The following SAMD4B variants were observed in gnomAD, a reference collection of about 807,000 sequenced individuals.
The protein encoded by SAMD4B is sterile alpha motif domain containing 4B, also known as protein Smaug homolog 2.
In SAMD4B, 5 loss-of-function variants were observed where a neutral mutation model predicts 74.5. The ratio of observed to expected loss-of-function variants is 0.07; its 90% confidence interval spans 0.04 to 0.14. The LOEUF (loss-of-function observed/expected upper bound fraction) is 0.14, where lower values mean the gene tolerates loss of function less well. SAMD4B is among the 10% of genes least tolerant of loss of function. SAMD4B has a pLI of 1.00. For missense variants in SAMD4B, 608 were observed against 921.8 expected, an observed-to-expected ratio of 0.66 and a Z score of 4.41; for synonymous variants, 373 against 374.9, an observed-to-expected ratio of 1.00 and a Z score of 0.06.
At chr19:39,376,630 G>A in intron 6 of SAMD4B, 75 bp from the exon 7 acceptor site, 1 of 1,581,736 alleles carries the variant, frequency 6.3e-7, no homozygotes, top group Non-Finnish European at 8.7e-7. Flanking sequence ...CTGTCTCCTT[G>A]ATCTCTATTT....
In SAMD4B at chr19:39,369,780, G is replaced by A. The variant is rs1357128615; in HGVS notation, c.322G>A (p.Val108Met). Residue 108 changes from valine to methionine, a missense_variant, in exon 4 of 14, where the codon GTG becomes ATG. By Grantham distance (21) the Val-to-Met change is conservative. Coordinates refer to ENST00000610417, the MANE Select transcript of SAMD4B (RefSeq NM_001384574.2). ...KSEYMRLLQK[V>M]LAYSIESNAF... ...GGAGTACATGAGGCTACTGCAGAAAGTGCTGGCCTACTCAATCGAGAGCAA... is the reference window on the plus strand; with the variant it reads ...GGAGTACATGAGGCTACTGCAGAAAATGCTGGCCTACTCAATCGAGAGCAA... 6.2e-7 allele frequency: 1 copy of A among 1,614,252 alleles called. No homozygotes were observed. The highest frequency in any genetic ancestry group is 1.3e-5 in the African/African-American group (1 of 75,062).
chr19:39,355,800 T>C (rs549425395), intron 2 of SAMD4B, among the ~76,000 whole-genome samples: 1 of 152,338 alleles, frequency 6.6e-6, no homozygotes, highest in African/African-American at 2.4e-5. Context: ...ACTTTTGATC[T>C]GTCCCCTTCC....
chr19:39,355,190 A>G (rs894694273), intron 2 of SAMD4B, among the ~76,000 whole-genome samples: 5 of 152,264 alleles, frequency 3.3e-5, no homozygotes, highest in Admixed American at 3.3e-4. Context: ...GATTTTATTT[A>G]AGTGCAATGG....
chr19:39,383,569 C>G lies in SAMD4B; in HGVS notation c.*42C>G, dbSNP rs370612551. 4 of 1,614,186 alleles carry G rather than the reference C, an allele frequency of 2.5e-6. No homozygotes were observed. In the Admixed American group the frequency reaches 6.7e-5, roughly 27 times the overall value. Reference sequence around the variant, plus strand: ...GCGCACCCATAGGCTCCCTGGGCGGCGGGCGGGGGCCAACCCCCAACGGGC... The same window carrying G: ...GCGCACCCATAGGCTCCCTGGGCGGGGGGCGGGGGCCAACCCCCAACGGGC... On this transcript the variant is annotated 3_prime_UTR_variant, in exon 14 of 14. Coordinates refer to ENST00000610417, the MANE Select transcript of SAMD4B (RefSeq NM_001384574.2). The surrounding 1 kb of genome is among the most constrained non-coding windows in gnomAD (Gnocchi z 4.1).
At chr19:39,366,395 C>T (rs781672574) in intron 3 of SAMD4B, among the ~76,000 whole-genome samples, 12 of 152,156 alleles carry the variant, frequency 7.9e-5, no homozygotes, top group Admixed American at 2.6e-4. Flanking sequence ...CACTTTAACC[C>T]GGAGGCGGAG....
At chr19:39,361,858 A>G (rs916274251) in intron 3 of SAMD4B, among the ~76,000 whole-genome samples, 2 of 151,746 alleles carry the variant, frequency 1.3e-5, no homozygotes, top group Non-Finnish European at 2.9e-5. Flanking sequence ...CAGGAGGCAC[A>G]GGAGCTTGCA....
At chr19:39,344,854 C>G (rs1177665092) in intron 1 of SAMD4B, among the ~76,000 whole-genome samples, 1 of 152,142 alleles carries the variant, frequency 6.6e-6, no homozygotes, top group African/African-American at 2.4e-5. Context: ...CCCCTCTTCC[C>G]TTCAGAGATC....
At chr19:39,366,313 CA>C (rs981981147) in intron 3 of SAMD4B, among the ~76,000 whole-genome samples, 3 of 149,800 alleles carry the variant, frequency 2.0e-5, no homozygotes, top group South Asian at 2.1e-4. Flanking sequence ...GAGACTCCAT[CA>C]AAAAAAAATA....
At chr19:39,347,805 G>A (rs1047349301) in intron 1 of SAMD4B, among the ~76,000 whole-genome samples, 1 of 152,226 alleles carries the variant, frequency 6.6e-6, no homozygotes. Context: ...GAGTATGCAA[G>A]TCTCAAATAT....
chr19:39,390,317 G>A (rs913386251), downstream of SAMD4B: 2 of 1,600,638 alleles, frequency 1.2e-6, no homozygotes, highest in Non-Finnish European at 1.7e-6. Context: ...AACAGTGATA[G>A]GTGGAGAGGA....
chr19:39,380,702 G>T lies in SAMD4B; in HGVS notation c.1765G>T (p.Gly589Cys). The T allele has an allele frequency of 6.2e-7, 1 of 1,612,414 alleles. No homozygotes were observed. The highest frequency in any genetic ancestry group is 8.5e-7 in the Non-Finnish European group (1 of 1,179,464). ...CCGGGCCCTCCCACCCGGCCGGATGGGCCTCCTGAGCCCCTCGGGCATTGG... is the reference window on the plus strand; with the variant it reads ...CCGGGCCCTCCCACCCGGCCGGATGTGCCTCCTGAGCCCCTCGGGCATTGG... ...PPRALPPGRM[G>C]LLSPSGIGGV... Residue 589 changes from glycine to cysteine, a missense_variant, in exon 11 of 14, where the codon GGC (glycine) becomes TGC (cysteine). This residue lies in a region of SAMD4B where 167 missense variants were observed against 193.0 expected (regional missense o/e 0.87). Coordinates refer to ENST00000610417, the MANE Select transcript of SAMD4B (RefSeq NM_001384574.2).
intron 3 of SAMD4B, among the ~76,000 whole-genome samples, chr19:39,363,979 C>A (rs1304594745): frequency 6.6e-6 from 1 of 152,252 alleles, no homozygotes; most frequent in Non-Finnish European, 1.5e-5. Context: ...CCTGAGGCTG[C>A]ACAAATTACT....
Position 39,378,493 on chromosome 19 carries a change from T to C in SAMD4B, c.1445-11T>C, listed in dbSNP as rs771966597. The C allele has an allele frequency of 4.3e-6, 7 of 1,613,572 alleles. No individual in the cohort carries two copies. The highest frequency in any genetic ancestry group is 5.9e-6 in the Non-Finnish European group (7 of 1,179,654). On this transcript the variant is annotated splice_polypyrimidine_tract_variant and intron_variant, in intron 8 of 13. Coordinates refer to ENST00000610417, the MANE Select transcript of SAMD4B (RefSeq NM_001384574.2). This position sits in a 1 kb window ranked among gnomAD's most constrained non-coding sequence, Gnocchi z 4.4. ...GGGGTTAACCTCCTGCCCTTTCTCA[T>C]GTCCCCCCAGTGTGCACCCAACTGC...
chr19:39,367,951 A>T (rs2077066525), intron 3 of SAMD4B, among the ~76,000 whole-genome samples: 1 of 149,320 alleles, frequency 6.7e-6, no homozygotes, highest in Non-Finnish European at 1.5e-5. Flanking sequence ...GCAGTGGCTC[A>T]CGCCTGTAAT....
chr19:39,373,514 A>G (rs976850072), intron 4 of SAMD4B, among the ~76,000 whole-genome samples: 2 of 150,616 alleles, frequency 1.3e-5, no homozygotes, highest in African/African-American at 5.0e-5. Flanking sequence ...AGCAAGCGCC[A>G]GGCCTGAGGC....
At chr19:39,358,828 G>T (rs546344512) in intron 3 of SAMD4B, among the ~76,000 whole-genome samples, 55 of 152,318 alleles carry the variant, frequency 3.6e-4, no homozygotes, top group Admixed American at 7.2e-4. Flanking sequence ...AACAAGCATG[G>T]ACTGCTAGGA....
rs2077948796 is a variant in SAMD4B at position 39,381,031 on chromosome 19, C to G, written c.1890C>G (p.Pro630=). The change falls in exon 12 of 14, where the codon CCC becomes CCG. Residue 630 remains proline (P), a synonymous_variant. Transcript: ENST00000610417. ...ACCCTGGAGGCAGCAACAGCATGCCCAGTCAGAGCCGCAGCTCTGTGCAGC... is the reference window on the plus strand; with the variant it reads ...ACCCTGGAGGCAGCAACAGCATGCCGAGTCAGAGCCGCAGCTCTGTGCAGC... ...FANPGGSNSM[P]SQSRSSVQRT... is the part of the protein sequence containing the mutation. 4 of 1,612,972 alleles carry G rather than the reference C, an allele frequency of 2.5e-6. No homozygotes were observed. The highest frequency in any genetic ancestry group is 3.4e-6 in the Non-Finnish European group (4 of 1,179,792).
At position 39,356,816 on chromosome 19, in the gene SAMD4B, G is replaced by A. The variant is rs1418917846; in HGVS notation, c.-78G>A. On this transcript the variant is annotated 5_prime_UTR_variant, in exon 3 of 14. Coordinates refer to ENST00000610417, the MANE Select transcript of SAMD4B (RefSeq NM_001384574.2). ...CTGGCCCTCAGGGGAAAGGTAACAG[G>A]AGGCCAGAGCCGGGACCATGTGACG... 5.6e-6 allele frequency: 7 copies of A among 1,257,694 alleles called. No homozygotes were observed. The highest frequency in any genetic ancestry group is 3.0e-5 in the African/African-American group (2 of 66,090). The allele number at this position is 1,257,694 out of a possible 1,614,324, so 77.9% of individuals were successfully genotyped here.
Position 39,342,477 on chromosome 19 carries a change from G to C in SAMD4B, c.-366G>C, listed in dbSNP as rs1266052025. On this transcript the variant is annotated 5_prime_UTR_variant, in exon 1 of 14. Coordinates refer to ENST00000610417, the MANE Select transcript of SAMD4B (RefSeq NM_001384574.2). The stretch of plus-strand genomic sequence containing the variant: ...CGGCGGCGGCGGCGGTGGTCGGTGC[G>C]GGAGGAGGGAGGGGAGCTTGCGGGC... 5.5e-6 allele frequency: 1 copy of C among 181,192 alleles called. No individual in the cohort carries two copies. Among genetic ancestry groups the C allele is most frequent in the Admixed American group, 6.4e-5 (1 of 15,688 alleles). The allele number at this position is 181,192 out of a possible 1,614,324, so 11.2% of individuals were successfully genotyped here. A position where few individuals can be genotyped will look rare whatever the true frequency, so the allele number is the denominator to read the frequency against.
Sources: gnomAD v4.1 joint callset for allele counts (sites outside exome capture counted in the v4.1 genomes callset) on GRCh38, gnomAD v4.1.1 for gene constraint, gnomAD v4.1.1 regional missense constraint, Gnocchi (gnomAD v3.1) non-coding constraint, MANE v1.5 for transcripts, NCBI Gene and HGNC (gene_info 2026-07-23, HGNC 2026-07-21) for gene names.